Variants in P4HA3 observed in about 807,000 individuals in gnomAD.
P4HA3 encodes prolyl 4-hydroxylase subunit alpha-3.
In P4HA3, 60 loss-of-function variants were observed where a neutral mutation model predicts 66.7. The observed-to-expected ratio is 0.90, with a 90% CI of 0.73 to 1.12. The LOEUF is 1.12. P4HA3 is among the 50% of genes most tolerant of loss of function. The pLI is 0.00. For synonymous variants in P4HA3, 263 were observed against 274.6 expected, an observed-to-expected ratio of 0.96 and a Z score of 0.42; for missense variants, 683 against 685.8, an observed-to-expected ratio of 1.00 and a Z score of 0.05.
intron 15 of P4HA3, chr11:74,250,159 A>G (rs1158369307): frequency 6.6e-6 from 1 of 152,172 alleles, no homozygotes; most frequent in African/African-American, 2.4e-5. Context: ...TTTCAAGCCC[A>G]TTCCTTTATT....
At chr11:74,293,462 G>A (rs1359953917) in intron 4 of P4HA3, among the ~76,000 whole-genome samples, 1 of 152,164 alleles carries the variant, frequency 6.6e-6, no homozygotes, top group Non-Finnish European at 1.5e-5. Context: ...GGTTAATATT[G>A]TTATGTGTGA....
intron 7 of P4HA3, among the ~76,000 whole-genome samples, chr11:74,281,757 G>T (rs966727301): frequency 6.6e-6 from 1 of 151,934 alleles, no homozygotes; most frequent in Non-Finnish European, 1.5e-5. Flanking sequence ...ATAGCATTGG[G>T]AGATATACCT....
chr11:74,305,908 C>T (rs1162914030), intron 1 of P4HA3, among the ~76,000 whole-genome samples: 2 of 152,140 alleles, frequency 1.3e-5, no homozygotes, highest in African/African-American at 4.8e-5. Flanking sequence ...CAAATAATTA[C>T]ATTACAGATG....
chr11:74,288,930 CAG>C lies in P4HA3; in HGVS notation c.769+147_769+148del, dbSNP rs1222371185. ...CGCCACTGCACTCCAGCCTGGGTGA[CAG>C]AGGGAGATGCCATCTCAAAAAAAAA... is the stretch of plus-strand genomic sequence containing the variant. On this transcript the variant is annotated intron_variant, in intron 5 of 12. Coordinates refer to ENST00000331597, the MANE Select transcript of P4HA3 (RefSeq NM_182904.5). 12 of 487,228 alleles carry C rather than the reference CAG, an allele frequency of 2.5e-5. No homozygotes were observed. The African/African-American group carries it at 2.8e-4, about 12-fold the overall frequency. 30.2% of individuals were successfully genotyped at this position (487,228 alleles called of 1,614,324 possible). A position where few individuals can be genotyped will look rare whatever the true frequency, so the allele number is the denominator to read the frequency against.
At chr11:74,251,224 C>G in intron 15 of P4HA3, 1 of 1,406,732 alleles carries the variant, frequency 7.1e-7, no homozygotes, top group Non-Finnish European at 9.2e-7. Context: ...GAGCTACTGA[C>G]ACTCTGCTAT....
chr11:74,251,364 T>A (rs1859655103), intron 15 of P4HA3: 1 of 1,356,996 alleles, frequency 7.4e-7, no homozygotes, highest in Non-Finnish European at 9.5e-7. Context: ...GGAATTAATA[T>A]GGGCTCCTCC....
chr11:74,292,386 C>A (rs1861061474), intron 4 of P4HA3, among the ~76,000 whole-genome samples: 1 of 152,116 alleles, frequency 6.6e-6, no homozygotes, highest in East Asian at 1.9e-4. Context: ...TTGATCTTTT[C>A]AAAAAACCAG....
At chr11:74,297,416 A>T (rs185005086) in intron 4 of P4HA3, among the ~76,000 whole-genome samples, 1 of 152,306 alleles carries the variant, frequency 6.6e-6, no homozygotes, top group Admixed American at 6.5e-5. Flanking sequence ...GAAAGGAAAA[A>T]AAAGGTAGGG....
At chr11:74,306,237 T>C (rs1055069767) in intron 1 of P4HA3, among the ~76,000 whole-genome samples, 1 of 152,104 alleles carries the variant, frequency 6.6e-6, no homozygotes, top group Non-Finnish European at 1.5e-5. Flanking sequence ...TGGCAACAAA[T>C]GCAGAAAAGG....
Position 74,311,509 on chromosome 11 carries a change from T to G in P4HA3, c.103A>C (p.Thr35Pro). Reference sequence around the variant, plus strand: ...GGCGCCAGGGCGCGCGCCACGCTGGTCAGCGCCGAGAACGTGTCGCCCCGA... The same window carrying G: ...GGCGCCAGGGCGCGCGCCACGCTGGGCAGCGCCGAGAACGTGTCGCCCCGA... Reference protein sequence around the residue: ...AARGDTFSALTSVARALAPER... With the variant: ...AARGDTFSALPSVARALAPER... The change falls in exon 1 of 13, where the codon ACC becomes CCC. Residue 35 changes from threonine to proline, a missense_variant. Thr to Pro is a conservative substitution (Grantham distance 38). Transcript: ENST00000331597. 1.3e-6 allele frequency: 2 copies of G among 1,539,072 alleles called. No individual in the cohort carries two copies. Among genetic ancestry groups the G allele is most frequent in the Middle Eastern group, 2.1e-4 (1 of 4,668 alleles).
chr11:74,257,430 G>A (rs768299270), intron 15 of P4HA3, among the ~76,000 whole-genome samples: 6 of 152,092 alleles, frequency 3.9e-5, no homozygotes, highest in Non-Finnish European at 8.8e-5. Context: ...CAGCCAAGAG[G>A]TAGCATTTGA....
intron 1 of P4HA3, among the ~76,000 whole-genome samples, chr11:74,308,577 C>T (rs999013171): frequency 5.9e-5 from 9 of 152,108 alleles, no homozygotes; most frequent in African/African-American, 2.2e-4. Flanking sequence ...AGAGCAGTCA[C>T]TAGAGAACAG....
chr11:74,295,490 T>G (rs1861185055), intron 4 of P4HA3, among the ~76,000 whole-genome samples: 1 of 152,174 alleles, frequency 6.6e-6, no homozygotes, highest in Non-Finnish European at 1.5e-5. Flanking sequence ...AACAATTCAC[T>G]TCTAATGATA....
In P4HA3 at chr11:74,286,292, G is replaced by A; in HGVS notation, c.869C>T (p.Pro290Leu). The change falls in exon 6 of 13, where the codon CCC becomes CTC. Residue 290 changes from proline to leucine, a missense_variant. Coordinates refer to ENST00000331597, the MANE Select transcript of P4HA3 (RefSeq NM_182904.5). ...TCTGGTCTGCAGGTGGGGTATATTG[G>A]GCCTCTGGATGACAGCCTCAGCTAC... ...HVVAEAVIQR[P>L]NIPHLQTRDT... 6.2e-7 allele frequency: 1 copy of A among 1,612,096 alleles called. No homozygotes were observed. The highest frequency in any genetic ancestry group is 8.5e-7 in the Non-Finnish European group (1 of 1,179,302).
chr11:74,287,897 A>G (rs1860854235), intron 5 of P4HA3, among the ~76,000 whole-genome samples: 1 of 152,124 alleles, frequency 6.6e-6, no homozygotes, highest in Non-Finnish European at 1.5e-5. Flanking sequence ...CATGGCTGTA[A>G]TCCCAGCTAC....
rs1445668315 is a variant in P4HA3 at position 74,292,674 on chromosome 11, T to C, written c.718-3544A>G. 3.3e-5 allele frequency among the ~76,000 whole-genome samples: 5 copies of C among 152,244 alleles called. No homozygotes were observed. In the South Asian group the frequency reaches 1.0e-3, roughly 32 times the overall value. ...TTGTTCTCGTTGGTTTCAAAGAACA[T>C]CTTTATTTCTGCCTTCATTTCATTA... On this transcript the variant is annotated intron_variant, in intron 4 of 12. Coordinates refer to ENST00000331597, the MANE Select transcript of P4HA3 (RefSeq NM_182904.5).
intron 15 of P4HA3, among the ~76,000 whole-genome samples, chr11:74,256,939 C>T (rs1041298553): frequency 2.0e-5 from 3 of 152,228 alleles, no homozygotes; most frequent in South Asian, 2.1e-4. Context: ...TAAGCAAACC[C>T]GAGCACCCAA....
At chr11:74,270,273 T>C (rs2135705492) in intron 10 of P4HA3, among the ~76,000 whole-genome samples, 1 of 152,310 alleles carries the variant, frequency 6.6e-6, no homozygotes, top group African/African-American at 2.4e-5. Context: ...TAGACTATGA[T>C]TCTTCTTGAA....
At chr11:74,286,099 C>A in intron 6 of P4HA3, 114 bp from the exon 7 acceptor site, 1 of 1,480,612 alleles carries the variant, frequency 6.8e-7, no homozygotes. Context: ...AATGTGGTCA[C>A]TCTGATGCTG....
Sources: allele counts gnomAD v4.1 joint callset (sites outside exome capture counted in the v4.1 genomes callset), GRCh38; gene constraint gnomAD v4.1.1; transcripts MANE v1.5; gene names NCBI Gene and HGNC (gene_info 2026-07-23, HGNC 2026-07-21).